Variants in OLFML1 observed in about 807,000 individuals in gnomAD.
OLFML1 encodes olfactomedin like 1, also known as olfactomedin-like protein 1.
A neutral mutation model predicts 37.3 loss-of-function variants in OLFML1; 33 were observed. That is an observed-to-expected ratio of 0.88 (90% CI 0.67 to 1.18). The LOEUF (loss-of-function observed/expected upper bound fraction) is 1.18, where lower values mean the gene tolerates loss of function less well. Ranked by LOEUF, OLFML1 falls within the 50% of genes most tolerant of loss-of-function variation. The probability of loss-of-function intolerance (pLI) is 0.00; values close to 1 mark genes in which losing one functional copy is unlikely to be tolerated. For missense variants in OLFML1, 545 were observed against 483.7 expected (o/e 1.13, Z -1.19); for synonymous variants, 186 against 181.3 (o/e 1.03, Z -0.21).
chr11:7,491,694 G>T (rs79244230), intron 2 of OLFML1, among the ~76,000 whole-genome samples: 60 of 150,664 alleles, frequency 4.0e-4, no homozygotes, highest in African/African-American at 1.4e-3. Context: ...AATTACCATA[G>T]ATTTAGCATC....
intron 1 of OLFML1, among the ~76,000 whole-genome samples, chr11:7,487,747 G>C (rs1393534425): frequency 1.3e-5 from 2 of 152,044 alleles, no homozygotes; most frequent in African/African-American, 4.8e-5. Context: ...CTCAAAAAGA[G>C]TCTAACAGAA....
In OLFML1 at chr11:7,488,429, A is replaced by G. The variant is rs909972761; in HGVS notation, c.418+14A>G. 1 of 1,599,100 alleles carries G rather than the reference A, an allele frequency of 6.3e-7. No homozygotes were observed. Among genetic ancestry groups the G allele is most frequent in the Non-Finnish European group, 8.5e-7 (1 of 1,172,008 alleles). On this transcript the variant is annotated intron_variant, in intron 2 of 2. Coordinates refer to ENST00000329293, the MANE Select transcript of OLFML1 (RefSeq NM_198474.4). Reference sequence around the variant, plus strand: ...TGCTGAATGCAAGTAAGAAAACTGCATCTTTTCCTAGCCCTTCTAGGGACT... The same window carrying G: ...TGCTGAATGCAAGTAAGAAAACTGCGTCTTTTCCTAGCCCTTCTAGGGACT...
At chr11:7,499,871 G>A (rs968709632) in intron 2 of OLFML1, among the ~76,000 whole-genome samples, 2 of 152,140 alleles carry the variant, frequency 1.3e-5, no homozygotes, top group African/African-American at 2.4e-5. Flanking sequence ...CTGATTTATT[G>A]TTTTGTTTTG....
intron 2 of OLFML1, among the ~76,000 whole-genome samples, chr11:7,491,013 G>A (rs546528736): frequency 6.6e-6 from 1 of 152,126 alleles, no homozygotes; most frequent in African/African-American, 2.4e-5. Flanking sequence ...CCTTTACAAA[G>A]TGATGCAAGT....
At chr11:7,493,612 G>A (rs1848628446) in intron 2 of OLFML1, among the ~76,000 whole-genome samples, 2 of 152,212 alleles carry the variant, frequency 1.3e-5, no homozygotes, top group Admixed American at 6.5e-5. Flanking sequence ...AGCTTAACCT[G>A]TGCTTTCCCT....
chr11:7,499,921 C>T (rs568707525), intron 2 of OLFML1, among the ~76,000 whole-genome samples: 8 of 152,292 alleles, frequency 5.3e-5, no homozygotes, highest in African/African-American at 1.7e-4. Flanking sequence ...GACAGGGTCT[C>T]CCTCTGTTGC....
At chr11:7,486,651 C>T (rs145358652) in intron 1 of OLFML1, among the ~76,000 whole-genome samples, 2 of 152,306 alleles carry the variant, frequency 1.3e-5, no homozygotes, top group East Asian at 3.9e-4. Flanking sequence ...CCTGGACAGG[C>T]TCCCAGGGAC....
chr11:7,507,791 C>A (rs61890177), intron 2 of OLFML1, among the ~76,000 whole-genome samples: 1,534 of 152,314 alleles, frequency 0.01, 17 homozygotes, highest in Middle Eastern at 0.071. Context: ...TTGTGATACA[C>A]CTGCCTTGGC....
rs1356376976 is a variant in OLFML1 at position 7,489,335 on chromosome 11, G to A, written c.418+920G>A. On this transcript the variant is annotated intron_variant, in intron 2 of 2. Transcript: ENST00000329293. ...GAACAAAGAAGTTAGAAACGAATGAGTAGAGGGTACTTCAAGTCAGGGCAC... is the reference window on the plus strand; with the variant it reads ...GAACAAAGAAGTTAGAAACGAATGAATAGAGGGTACTTCAAGTCAGGGCAC... Among the ~76,000 whole-genome samples the A allele has an allele frequency of 2.0e-5, 3 of 152,262 alleles. 1 individual carries two copies. Among genetic ancestry groups the A allele is most frequent in the South Asian group, 4.2e-4 (2 of 4,818 alleles).
chr11:7,507,445 C>A (rs1848798569), intron 2 of OLFML1, among the ~76,000 whole-genome samples: 1 of 152,106 alleles, frequency 6.6e-6, no homozygotes, highest in South Asian at 2.1e-4. Context: ...CTTAGCCTGG[C>A]CCTTAAGGTT....
intron 2 of OLFML1, among the ~76,000 whole-genome samples, chr11:7,498,956 C>T (rs1043466124): frequency 2.0e-5 from 3 of 152,168 alleles, no homozygotes; most frequent in African/African-American, 7.2e-5. Flanking sequence ...TACCTGGTTT[C>T]CCTCTGTCCT....
intron 1 of OLFML1, among the ~76,000 whole-genome samples, chr11:7,486,321 T>C (rs1406852815): frequency 2.6e-5 from 4 of 152,220 alleles, no homozygotes; most frequent in African/African-American, 9.6e-5. Context: ...AAATACTGCC[T>C]GGCATAATGG....
At position 7,509,023 on chromosome 11, in the gene OLFML1, CTATT is replaced by C. The variant is rs547760815; in HGVS notation, c.419-366_419-363del. On this transcript the variant is annotated intron_variant, in intron 2 of 2. Coordinates refer to ENST00000329293, the MANE Select transcript of OLFML1 (RefSeq NM_198474.4). ...TGGATAGCAAGTCTCTTAACAGAGA[CTATT>C]TATTTATTCTTTCATTCGTTGAGTC... is the stretch of plus-strand genomic sequence containing the variant. Among the ~76,000 whole-genome samples, 23 of 152,256 alleles carry C rather than the reference CTATT, an allele frequency of 1.5e-4. No individual in the cohort carries two copies. In the South Asian group the frequency reaches 2.9e-3, roughly 19 times the overall value.
chr11:7,492,258 A>G (rs774828443), intron 2 of OLFML1, among the ~76,000 whole-genome samples: 12 of 152,164 alleles, frequency 7.9e-5, no homozygotes, highest in Non-Finnish European at 1.2e-4. Context: ...TGGCCTCTAG[A>G]GACTGTGCCA....
chr11:7,486,601 G>T (rs1450891209), intron 1 of OLFML1, among the ~76,000 whole-genome samples: 1 of 152,160 alleles, frequency 6.6e-6, no homozygotes, highest in African/African-American at 2.4e-5. Context: ...CATTTGGGCT[G>T]CCACCTCATT....
chr11:7,502,264 G>A (rs1440872121), intron 2 of OLFML1, among the ~76,000 whole-genome samples: 6 of 152,212 alleles, frequency 3.9e-5, no homozygotes, highest in African/African-American at 9.6e-5. Flanking sequence ...AGTGAGGAAG[G>A]GGAGAAAGGT....
chr11:7,496,682 T>C (rs1328169096), intron 2 of OLFML1, among the ~76,000 whole-genome samples: 1 of 151,800 alleles, frequency 6.6e-6, no homozygotes, highest in Non-Finnish European at 1.5e-5. Flanking sequence ...TTTCCATCCT[T>C]TTCAGTTTGG....
At chr11:7,500,643 A>C (rs1446314362) in intron 2 of OLFML1, among the ~76,000 whole-genome samples, 14 of 152,156 alleles carry the variant, frequency 9.2e-5, no homozygotes, top group Admixed American at 9.2e-4. Context: ...TCTACATTTT[A>C]GAAATATATT....
intron 2 of OLFML1, among the ~76,000 whole-genome samples, chr11:7,498,904 C>T (rs1349821067): frequency 1.3e-5 from 2 of 152,208 alleles, no homozygotes; most frequent in Non-Finnish European, 2.9e-5. Flanking sequence ...ATATCCATCA[C>T]TATTTGGATA....
Sources: gnomAD v4.1 joint callset for allele counts (sites outside exome capture counted in the v4.1 genomes callset) on GRCh38, gnomAD v4.1.1 for gene constraint, MANE v1.5 for transcripts, NCBI Gene and HGNC (gene_info 2026-07-23, HGNC 2026-07-21) for gene names.